Variants in NIM1K observed in about 807,000 individuals in gnomAD.
The protein encoded by NIM1K is NIM1 serine/threonine protein kinase.
Under a neutral mutation model 37.1 loss-of-function variants are expected in NIM1K, and 35 were observed. The ratio of observed to expected loss-of-function variants is 0.94; its 90% confidence interval spans 0.72 to 1.25. The LOEUF is 1.25. NIM1K is among the 50% of genes most tolerant of loss of function. The pLI is 0.00. For synonymous variants in NIM1K, 234 were observed against 206.6 expected (o/e 1.13, Z -1.14); for missense variants, 564 against 548.0 (o/e 1.03, Z -0.29).
chr5:43,270,673 T>C (rs1295163769), intron 2 of NIM1K, among the ~76,000 whole-genome samples: 1 of 152,112 alleles, frequency 6.6e-6, no homozygotes, highest in Non-Finnish European at 1.5e-5. Context: ...TGACCAGAAA[T>C]TCAAAGTGAG....
chr5:43,263,240 G>A (rs764442192), intron 2 of NIM1K, among the ~76,000 whole-genome samples: 5 of 152,130 alleles, frequency 3.3e-5, no homozygotes, highest in Admixed American at 6.6e-5. Context: ...GTCTGCTTCT[G>A]AACTTTTTTT....
intron 2 of NIM1K, among the ~76,000 whole-genome samples, chr5:43,267,854 G>T (rs935727669): frequency 3.9e-5 from 6 of 152,100 alleles, no homozygotes; most frequent in African/African-American, 1.4e-4. Flanking sequence ...ATTGATACTT[G>T]TTTTGTAGCC....
intron 1 of NIM1K, among the ~76,000 whole-genome samples, chr5:43,226,363 A>G (rs1752456451): frequency 6.6e-6 from 1 of 152,232 alleles, no homozygotes; most frequent in Non-Finnish European, 1.5e-5. Flanking sequence ...ATCAAAAGCC[A>G]GTAGTGGCTT....
intron 1 of NIM1K, among the ~76,000 whole-genome samples, chr5:43,199,553 A>T (rs1371610571): frequency 6.6e-6 from 1 of 152,036 alleles, no homozygotes; most frequent in Non-Finnish European, 1.5e-5. Flanking sequence ...CTCCTCTGTA[A>T]GTTCCACAGG....
intron 1 of NIM1K, among the ~76,000 whole-genome samples, chr5:43,198,205 T>TTCTCTCTC (rs150045459): frequency 7.3e-5 from 3 of 40,902 alleles, no homozygotes; most frequent in Non-Finnish European, 1.4e-4. Context: ...CTTTCTTTCT[T>TTCTCTCTC]TCTCTTTCTT....
intron 1 of NIM1K, among the ~76,000 whole-genome samples, chr5:43,196,431 A>G (rs1445737848): frequency 6.6e-6 from 1 of 151,648 alleles, no homozygotes; most frequent in Non-Finnish European, 1.5e-5. Flanking sequence ...GATCGAGACC[A>G]TCCTGGCTAA....
intron 1 of NIM1K, among the ~76,000 whole-genome samples, chr5:43,208,385 A>G (rs1752149422): frequency 6.6e-6 from 1 of 152,188 alleles, no homozygotes. Context: ...CGGGCAGATC[A>G]CAAGGTCAGG....
chr5:43,262,955 T>C (rs1486639865), intron 2 of NIM1K, among the ~76,000 whole-genome samples: 1 of 152,210 alleles, frequency 6.6e-6, no homozygotes, highest in Non-Finnish European at 1.5e-5. Flanking sequence ...ACCCTAGGGA[T>C]GAAGCCAACT....
intron 1 of NIM1K, among the ~76,000 whole-genome samples, chr5:43,233,916 T>C (rs150509260): frequency 4.3e-4 from 66 of 152,330 alleles, no homozygotes; most frequent in African/African-American, 1.6e-3. Context: ...TTCCTTTTGT[T>C]TGGAGGCAGG....
At chr5:43,217,929 C>G (rs1453077888) in intron 1 of NIM1K, among the ~76,000 whole-genome samples, 1 of 152,066 alleles carries the variant, frequency 6.6e-6, no homozygotes, top group South Asian at 2.1e-4. Context: ...CCAGGCTGGT[C>G]TTGAACTCCT....
chr5:43,221,947 T>C (rs764197451), intron 1 of NIM1K, among the ~76,000 whole-genome samples: 1 of 152,236 alleles, frequency 6.6e-6, no homozygotes, highest in Non-Finnish European at 1.5e-5. Context: ...GCTTAGCATG[T>C]AGTAGATGCT....
chr5:43,224,149 C>T (rs918208470), intron 1 of NIM1K, among the ~76,000 whole-genome samples: 1 of 151,810 alleles, frequency 6.6e-6, no homozygotes, highest in Non-Finnish European at 1.5e-5. Context: ...GCTATCCTCC[C>T]CCCTCTTGCC....
At chr5:43,196,007 T>A (rs1249385212) in intron 1 of NIM1K, among the ~76,000 whole-genome samples, 1 of 152,222 alleles carries the variant, frequency 6.6e-6, no homozygotes, top group Admixed American at 6.5e-5. Context: ...AAGCAGTCAG[T>A]ACCCTATTTA....
intron 1 of NIM1K, among the ~76,000 whole-genome samples, chr5:43,195,341 A>G (rs1751895998): frequency 6.6e-6 from 1 of 152,216 alleles, no homozygotes; most frequent in Admixed American, 6.5e-5. Flanking sequence ...AATCAGTTTT[A>G]CAGATGGACA....
chr5:43,203,552 G>A (rs1752064897), intron 1 of NIM1K, among the ~76,000 whole-genome samples: 1 of 152,156 alleles, frequency 6.6e-6, no homozygotes, highest in South Asian at 2.1e-4. Flanking sequence ...GAGTCTCTGA[G>A]CCTACTCTGG....
chr5:43,260,033 G>A (rs998422473), intron 2 of NIM1K, among the ~76,000 whole-genome samples: 6 of 151,950 alleles, frequency 3.9e-5, no homozygotes, highest in Non-Finnish European at 7.4e-5. Context: ...TACTAAATAG[G>A]GTGTCCTTTC....
rs150048170 is a variant in NIM1K at position 43,245,748 on chromosome 5, G to A, written c.-28G>A. 0.025 allele frequency: 38,695 copies of A among 1,545,730 alleles called. 583 individuals carry two copies. Among genetic ancestry groups the A allele is most frequent in the Non-Finnish European group, 0.028 (32,251 of 1,143,016 alleles). On this transcript the variant is annotated 5_prime_UTR_variant, in exon 2 of 4. Coordinates refer to ENST00000326035, the MANE Select transcript of NIM1K (RefSeq NM_153361.4). Reference sequence around the variant, plus strand: ...CTCCTGCACAACCTGCCTCTTCGCTGAGATGGAGACGTGAGCCCCCGTGGA... The same window carrying A: ...CTCCTGCACAACCTGCCTCTTCGCTAAGATGGAGACGTGAGCCCCCGTGGA...
At chr5:43,244,161 G>A (rs550647204) in intron 1 of NIM1K, among the ~76,000 whole-genome samples, 2 of 152,220 alleles carry the variant, frequency 1.3e-5, no homozygotes, top group Non-Finnish European at 2.9e-5. Context: ...ATATTATTGA[G>A]CAGAGTTGGA....
At chr5:43,194,041 A>G (rs1287709694) in intron 1 of NIM1K, among the ~76,000 whole-genome samples, 2 of 152,164 alleles carry the variant, frequency 1.3e-5, no homozygotes, top group East Asian at 3.8e-4. Context: ...TTCCGCTCAG[A>G]CAAATGAGAG....
Sources: gnomAD v4.1 joint callset for allele counts (sites outside exome capture counted in the v4.1 genomes callset) on GRCh38, gnomAD v4.1.1 for gene constraint, MANE v1.5 for transcripts, NCBI Gene and HGNC (gene_info 2026-07-23, HGNC 2026-07-21) for gene names.